The following RPS6KC1 variants were observed in gnomAD, a reference collection of about 807,000 sequenced individuals.
RPS6KC1 encodes ribosomal protein S6 kinase C1.
Under a neutral mutation model 103.8 loss-of-function variants are expected in RPS6KC1, and 54 were observed. The observed-to-expected ratio is 0.52, with a 90% CI of 0.42 to 0.65. The LOEUF (loss-of-function observed/expected upper bound fraction) is 0.65, where lower values mean the gene tolerates loss of function less well. Ranked by LOEUF, RPS6KC1 falls within the 30% of genes least tolerant of loss-of-function variation. The pLI is 0.00. For missense variants in RPS6KC1, 1,151 were observed against 1,253.8 expected, an observed-to-expected ratio of 0.92 and a Z score of 1.24; for synonymous variants, 439 against 438.7, an observed-to-expected ratio of 1.00 and a Z score of -0.01.
chr1:213,621,473 G>T, the RPS6KC1 span, among the ~76,000 whole-genome samples: 1 of 152,162 alleles, frequency 6.6e-6, no homozygotes, highest in African/African-American at 2.4e-5. Context: ...TGGGTCACAT[G>T]ACGCCTAAGT....
rs1372570797 is a variant in RPS6KC1 at position 213,129,959 on chromosome 1, T to TA, written c.835+71dup. 7.2e-6 allele frequency: 10 copies of TA among 1,387,472 alleles called. No individual in the cohort carries two copies. The East Asian group carries it at 2.1e-4, about 29-fold the overall frequency. 85.9% of individuals were successfully genotyped at this position (1,387,472 alleles called of 1,614,324 possible). A position where few individuals can be genotyped will look rare whatever the true frequency, so the allele number is the denominator to read the frequency against. On this transcript the variant is annotated intron_variant, in intron 6 of 14. Coordinates refer to ENST00000366960, the MANE Select transcript of RPS6KC1 (RefSeq NM_012424.6). ...TATGTGGGAAAAAAAAGTACATACA[T>TA]ATATCTTCTGTATAGTCTTATGGAA...
chr1:213,106,460 T>G (rs535148798), intron 4 of RPS6KC1, among the ~76,000 whole-genome samples: 20 of 152,268 alleles, frequency 1.3e-4, no homozygotes, highest in African/African-American at 4.3e-4. Context: ...GATCTAGAGA[T>G]AGTCCTTCTT....
At chr1:213,724,000 T>C in the RPS6KC1 span, among the ~76,000 whole-genome samples, 6 of 152,256 alleles carry the variant, frequency 3.9e-5, no homozygotes, top group South Asian at 1.2e-3. Context: ...ATGAGTGAAA[T>C]TGCCCATGAA....
rs573122269 is a variant in RPS6KC1, at chr1:213,134,232, G to A, written c.835+4343G>A. 7.9e-5 allele frequency among the ~76,000 whole-genome samples: 12 copies of A among 151,964 alleles called. 1 individual carries two copies. In the East Asian group the frequency reaches 1.4e-3, roughly 17 times the overall value. On this transcript the variant is annotated intron_variant, in intron 6 of 14. Coordinates refer to ENST00000366960, the MANE Select transcript of RPS6KC1 (RefSeq NM_012424.6). ...TAGATTTGCTGCCATAGTTATACCC[G>A]TTGCTTTTCACTTAACTTGATGTTG... is the stretch of plus-strand genomic sequence containing the variant.
chr1:213,792,248 G>A, the RPS6KC1 span, among the ~76,000 whole-genome samples: 1 of 152,172 alleles, frequency 6.6e-6, no homozygotes, highest in African/African-American at 2.4e-5. Flanking sequence ...ACTTTTGATA[G>A]TCTCTCCAGT....
the RPS6KC1 span, among the ~76,000 whole-genome samples, chr1:213,642,748 T>C: frequency 6.6e-6 from 1 of 152,056 alleles, no homozygotes; most frequent in Non-Finnish European, 1.5e-5. Flanking sequence ...CTTTTGTAAC[T>C]TTATTAGAAC....
chr1:213,348,728 A>G, the RPS6KC1 span, among the ~76,000 whole-genome samples: 1 of 152,230 alleles, frequency 6.6e-6, no homozygotes, highest in East Asian at 1.9e-4. Flanking sequence ...AGAATGGGCT[A>G]TAGGTTTTCA....
the RPS6KC1 span, among the ~76,000 whole-genome samples, chr1:213,590,057 G>T: frequency 2.6e-5 from 4 of 151,752 alleles, no homozygotes; most frequent in Non-Finnish European, 4.4e-5. Context: ...AAACTTCTAG[G>T]ACCTTCTTGA....
the RPS6KC1 span, among the ~76,000 whole-genome samples, chr1:213,761,976 G>A: frequency 6.6e-6 from 1 of 151,950 alleles, no homozygotes; most frequent in Non-Finnish European, 1.5e-5. Flanking sequence ...ATGATTGTTA[G>A]AGTCATGAGG....
At chr1:213,695,138 G>A in the RPS6KC1 span, among the ~76,000 whole-genome samples, 4 of 152,194 alleles carry the variant, frequency 2.6e-5, no homozygotes, top group African/African-American at 9.7e-5. Flanking sequence ...CTGCCACATA[G>A]TAGGCACTCA....
At chr1:213,418,610 A>T in the RPS6KC1 span, among the ~76,000 whole-genome samples, 2 of 152,112 alleles carry the variant, frequency 1.3e-5, no homozygotes, top group Non-Finnish European at 2.9e-5. Context: ...AAAAGCTTTC[A>T]CACATAGATA....
chr1:213,196,656 G>A (rs999941236), intron 8 of RPS6KC1, among the ~76,000 whole-genome samples: 2 of 152,148 alleles, frequency 1.3e-5, no homozygotes, highest in Non-Finnish European at 2.9e-5. Flanking sequence ...GTTGACTTTT[G>A]TGTAAGGCGA....
the RPS6KC1 span, among the ~76,000 whole-genome samples, chr1:213,847,743 C>T: frequency 1.8e-3 from 276 of 152,246 alleles, 1 homozygote; most frequent in African/African-American, 6.5e-3. Flanking sequence ...TCCTCAACTA[C>T]CAGCCCCATC....
chr1:213,136,420 G>A (rs563130182), intron 6 of RPS6KC1, among the ~76,000 whole-genome samples: 1 of 152,216 alleles, frequency 6.6e-6, no homozygotes, highest in African/African-American at 2.4e-5. Flanking sequence ...ACCATGGAAT[G>A]TGGAAGGAGT....
the RPS6KC1 span, among the ~76,000 whole-genome samples, chr1:213,524,516 C>A: frequency 6.6e-6 from 1 of 152,306 alleles, no homozygotes; most frequent in East Asian, 1.9e-4. Flanking sequence ...TCCTTCCAAG[C>A]TTCATCTAAA....
At chr1:213,610,017 C>T in the RPS6KC1 span, among the ~76,000 whole-genome samples, 477 of 152,148 alleles carry the variant, frequency 3.1e-3, 2 homozygotes, top group African/African-American at 0.011. Context: ...TGAACTTTTT[C>T]AGTCAGATTT....
intron 8 of RPS6KC1, among the ~76,000 whole-genome samples, chr1:213,194,303 G>A (rs1167589452): frequency 1.3e-5 from 2 of 152,100 alleles, no homozygotes; most frequent in Non-Finnish European, 2.9e-5. Flanking sequence ...ATCTGTTTAT[G>A]TTCAATGTTA....
At chr1:213,838,483 G>C in the RPS6KC1 span, among the ~76,000 whole-genome samples, 13 of 151,978 alleles carry the variant, frequency 8.6e-5, no homozygotes, top group Admixed American at 7.2e-4. Flanking sequence ...TTTAGATCAT[G>C]AGGCAAAAAG....
chr1:213,738,477 A>G, the RPS6KC1 span, among the ~76,000 whole-genome samples: 1 of 152,178 alleles, frequency 6.6e-6, no homozygotes, highest in East Asian at 1.9e-4. Context: ...TGTCCCATGA[A>G]AAAGGAGGTA....
Sources: allele counts gnomAD v4.1 joint callset (sites outside exome capture counted in the v4.1 genomes callset), GRCh38; gene constraint gnomAD v4.1.1; transcripts MANE v1.5; gene names NCBI Gene and HGNC (gene_info 2026-07-23, HGNC 2026-07-21).